Variants in CDC73 observed in about 807,000 individuals in gnomAD.
CDC73 encodes the protein cell division cycle 73.
In CDC73, 21 loss-of-function variants were observed where a neutral mutation model predicts 83.7. The ratio of observed to expected loss-of-function variants is 0.25; its 90% CI spans 0.18 to 0.36. The LOEUF is 0.36. Among genes scored for constraint, CDC73 ranks in the 10% least tolerant of loss-of-function variants. The probability of loss-of-function intolerance (pLI) is 1.00; values close to 1 mark genes in which losing one functional copy is unlikely to be tolerated. For missense variants in CDC73, 342 were observed against 653.3 expected (o/e 0.52, Z 5.19); for synonymous variants, 224 against 212.9 (o/e 1.05, Z -0.45).
chr1:193,208,795 T>A (rs1677230526), intron 11 of CDC73, among the ~76,000 whole-genome samples: 1 of 152,204 alleles, frequency 6.6e-6, no homozygotes, highest in South Asian at 2.1e-4. Context: ...TTTGTTTTGT[T>A]CAGTTCCCCA....
rs1676282466 is a variant in CDC73 at position 193,160,042 on chromosome 1, A to G, written c.972+7598A>G. Among the ~76,000 whole-genome samples the G allele has an allele frequency of 2.0e-5, 3 of 152,166 alleles. No homozygotes were observed. In the South Asian group the frequency reaches 6.2e-4, roughly 32 times the overall value. ...AGTTTATATATCTTAACTGAGATTT[A>G]TTGAAAATCCATTGCACACTGGTTG... is the stretch of plus-strand genomic sequence containing the variant. On this transcript the variant is annotated intron_variant, in intron 10 of 16. Coordinates refer to ENST00000367435, the MANE Select transcript of CDC73 (RefSeq NM_024529.5).
chr1:193,207,710 A>G (rs968071893), intron 11 of CDC73, among the ~76,000 whole-genome samples: 1 of 152,080 alleles, frequency 6.6e-6, no homozygotes, highest in Non-Finnish European at 1.5e-5. Context: ...AATCGTTGTT[A>G]TTCTCTTCTT....
chr1:193,173,613 C>T (rs1056303251), intron 10 of CDC73, among the ~76,000 whole-genome samples: 19 of 152,030 alleles, frequency 1.2e-4, no homozygotes, highest in African/African-American at 4.1e-4. Context: ...CCATAAATTG[C>T]GTTTAGTTGT....
chr1:193,249,611 G>T, intron 15 of CDC73, 119 bp from the exon 16 acceptor site: 1 of 769,016 alleles, frequency 1.3e-6, no homozygotes, highest in Non-Finnish European at 2.2e-6. Context: ...TGTTTTTAAA[G>T]ATAATATTTT....
chr1:193,140,176 G>A (rs1287669877), intron 6 of CDC73, among the ~76,000 whole-genome samples: 3 of 152,092 alleles, frequency 2.0e-5, no homozygotes, highest in African/African-American at 7.2e-5. Context: ...CAGTCATAGG[G>A]CTTACCTTGT....
rs185120002 is a variant in CDC73, at chr1:193,251,122, C to G, written c.*410C>G. On this transcript the variant is annotated 3_prime_UTR_variant, in exon 17 of 17. Coordinates refer to ENST00000367435, the MANE Select transcript of CDC73 (RefSeq NM_024529.5). ...GTTATGAATGGTATTAAATTTTAGT[C>G]TCTGGAACATCCAAAACCAAGCAAA... 6.3e-5 allele frequency: 16 copies of G among 255,072 alleles called. No individual in the cohort carries two copies. Among genetic ancestry groups the G allele is most frequent in the Middle Eastern group, 1.2e-3 (1 of 838 alleles). The allele number at this position is 255,072 out of a possible 1,614,324, so 15.8% of individuals were successfully genotyped here.
Position 193,250,940 on chromosome 1 carries a change from G to GT in CDC73, c.*234dup, listed in dbSNP as rs1678034550. 1.9e-6 allele frequency: 1 copy of GT among 513,942 alleles called. No homozygotes were observed. The highest frequency in any genetic ancestry group is 3.1e-5 in the South Asian group (1 of 32,216). 31.8% of individuals were successfully genotyped at this position (513,942 alleles called of 1,614,324 possible). A position where few individuals can be genotyped will look rare whatever the true frequency, so the allele number is the denominator to read the frequency against. On this transcript the variant is annotated 3_prime_UTR_variant, in exon 17 of 17. Coordinates refer to ENST00000367435, the MANE Select transcript of CDC73 (RefSeq NM_024529.5). Reference sequence around the variant, plus strand: ...ATGGAAATTGTATATTTTGATAGAAGTTTTTTCTCCATTGGTTAAATTAGC... The same window carrying GT: ...ATGGAAATTGTATATTTTGATAGAAGTTTTTTTCTCCATTGGTTAAATTAGC...
intron 10 of CDC73, among the ~76,000 whole-genome samples, chr1:193,153,544 T>C (rs962378888): frequency 2.6e-5 from 4 of 152,202 alleles, no homozygotes. Flanking sequence ...AATTAACATA[T>C]AACTTTATAT....
At chr1:193,129,487 A>AATTT (rs67384798) in intron 2 of CDC73, among the ~76,000 whole-genome samples, 2,805 of 142,848 alleles carry the variant, frequency 0.02, 38 homozygotes, top group East Asian at 0.084. Context: ...TTCAAAAAGA[A>AATTT]ATTTATTTAT....
intron 10 of CDC73, among the ~76,000 whole-genome samples, chr1:193,190,463 G>C (rs1047062451): frequency 6.6e-6 from 1 of 152,172 alleles, no homozygotes; most frequent in African/African-American, 2.4e-5. Context: ...AAAGTCAGTG[G>C]ATGATTTATG....
In CDC73 at chr1:193,135,520, T is replaced by C. The variant is rs763780849; in HGVS notation, c.371-17T>C. On this transcript the variant is annotated splice_polypyrimidine_tract_variant and intron_variant, in intron 4 of 16. Transcript: ENST00000367435. ...ATTCCAAAACTACACATTTATTTACTTCTCTTTCTTTTATAGTCAAACGAG... is the reference window on the plus strand; with the variant it reads ...ATTCCAAAACTACACATTTATTTACCTCTCTTTCTTTTATAGTCAAACGAG... 3 of 1,613,154 alleles carry C rather than the reference T, an allele frequency of 1.9e-6. No homozygotes were observed. Among genetic ancestry groups the C allele is most frequent in the Admixed American group, 3.3e-5 (2 of 60,022 alleles).
intron 10 of CDC73, among the ~76,000 whole-genome samples, chr1:193,191,304 A>G (rs1290338403): frequency 6.6e-6 from 1 of 152,234 alleles, no homozygotes; most frequent in African/African-American, 2.4e-5. Flanking sequence ...CTTTATGTAT[A>G]GGTATTAGCA....
chr1:193,215,778 C>T (rs888901919), intron 13 of CDC73, among the ~76,000 whole-genome samples: 1 of 151,934 alleles, frequency 6.6e-6, no homozygotes, highest in African/African-American at 2.4e-5. Flanking sequence ...TTTGTAGAGA[C>T]TGGGCTTAGC....
rs543356833 is a variant in CDC73 at position 193,155,786 on chromosome 1, C to CA, written c.972+3348dup. Among the ~76,000 whole-genome samples, 3 of 151,978 alleles carry CA rather than the reference C, an allele frequency of 2.0e-5. No homozygotes were observed. In the South Asian group the frequency reaches 6.2e-4, roughly 32 times the overall value. On this transcript the variant is annotated intron_variant, in intron 10 of 16. Transcript: ENST00000367435. ...AGTGAGACTCTGTCTCAAAAACAAA[C>CA]AAAAAACCCCACTAGATTAAACAGA...
intron 13 of CDC73, among the ~76,000 whole-genome samples, chr1:193,215,578 TG>T (rs1677353130): frequency 6.6e-6 from 1 of 151,686 alleles, no homozygotes. Context: ...GGGCAAAGAA[TG>T]AAATTAACAC....
Position 193,252,522 on chromosome 1 carries a change from C to T in CDC73, c.*1810C>T, listed in dbSNP as rs1678060781. ...ATATGGTTAAAATTAGGAACATCTACTTTGAATGAGGTTTATTTTTCTATT... is the reference window on the plus strand; with the variant it reads ...ATATGGTTAAAATTAGGAACATCTATTTTGAATGAGGTTTATTTTTCTATT... On this transcript the variant is annotated 3_prime_UTR_variant, in exon 17 of 17. Transcript: ENST00000367435. The T allele has an allele frequency of 4.3e-6, 1 of 229,984 alleles. No homozygotes were observed. The highest frequency in any genetic ancestry group is 5.7e-5 in the Admixed American group (1 of 17,684). 14.2% of individuals were successfully genotyped at this position (229,984 alleles called of 1,614,324 possible).
intron 10 of CDC73, among the ~76,000 whole-genome samples, chr1:193,175,661 T>G (rs1676588225): frequency 6.6e-6 from 1 of 152,184 alleles, no homozygotes; most frequent in Admixed American, 6.5e-5. Flanking sequence ...AGCATTTAAA[T>G]TGTATTAGGT....
chr1:193,205,916 G>A (rs1677181878), intron 11 of CDC73, among the ~76,000 whole-genome samples: 1 of 151,946 alleles, frequency 6.6e-6, no homozygotes, highest in African/African-American at 2.4e-5. Flanking sequence ...TAAGAGAATT[G>A]TTTGTTTTTC....
intron 10 of CDC73, among the ~76,000 whole-genome samples, chr1:193,160,869 A>G (rs1215371311): frequency 6.6e-6 from 1 of 151,988 alleles, no homozygotes; most frequent in African/African-American, 2.4e-5. Flanking sequence ...CTTGATGGGA[A>G]CTTTTCCATT....
Sources: allele counts gnomAD v4.1 joint callset (sites outside exome capture counted in the v4.1 genomes callset), GRCh38; gene constraint gnomAD v4.1.1; transcripts MANE v1.5; gene names NCBI Gene and HGNC (gene_info 2026-07-23, HGNC 2026-07-21).